The following TBC1D4 variants were observed in gnomAD, a reference collection of about 807,000 sequenced individuals.
TBC1D4 encodes TBC1 domain family member 4, also known as TBC (Tre-2, BUB2, CDC16) domain-containing protein.
In TBC1D4, 121 loss-of-function variants were observed where a neutral mutation model predicts 142.5. The ratio of observed to expected loss-of-function variants is 0.85; its 90% confidence interval spans 0.73 to 0.99. The LOEUF (loss-of-function observed/expected upper bound fraction) is 0.99, where lower values mean the gene tolerates loss of function less well. TBC1D4 is among the 50% of genes least tolerant of loss of function. TBC1D4 has a pLI of 0.00. For missense variants in TBC1D4, 1,475 were observed against 1,606.6 expected (o/e 0.92, Z 1.40); for synonymous variants, 630 against 628.2 (o/e 1.00, Z -0.04).
rs777743495 is a variant in TBC1D4 at position 75,324,242 on chromosome 13, T to C, written c.2193A>G (p.Glu731=). The C allele has an allele frequency of 8.7e-6, 14 of 1,613,702 alleles. No individual in the cohort carries two copies. In the Admixed American group the frequency reaches 2.0e-4, roughly 23 times the overall value. Residue 731 remains glutamate (E), a synonymous_variant, in exon 11 of 21, where the codon GAA becomes GAG. Transcript: ENST00000377636. ...SGRLSPQYEN[E]IRQDTASESS... The stretch of plus-strand genomic sequence containing the variant: ...ACAGAGGACACTGATCTCACCTGAT[T>C]TCATTTTCATACTGTGGGGACAGTC...
intron 1 of TBC1D4, among the ~76,000 whole-genome samples, chr13:75,372,925 A>G (rs1210394149): frequency 6.6e-6 from 1 of 152,244 alleles, no homozygotes; most frequent in Admixed American, 6.5e-5. Context: ...TAAACATAAT[A>G]GGAAACATAC....
chr13:75,362,257 C>A lies in TBC1D4; in HGVS notation c.849G>T (p.Gly283=). Residue 283 remains glycine, a synonymous_variant, in exon 2 of 21, where the codon GGG becomes GGT. Coordinates refer to ENST00000377636, the MANE Select transcript of TBC1D4 (RefSeq NM_014832.5). The surrounding 1 kb of genome is among the most constrained non-coding windows in gnomAD (Gnocchi z 4.2). ...AGCTGGTCAGGGCAGGCTGGCTGGCCCCGGCAGGTAAGCCAAGGTGGGTGT... is the reference window on the plus strand; with the variant it reads ...AGCTGGTCAGGGCAGGCTGGCTGGCACCGGCAGGTAAGCCAAGGTGGGTGT... ...GTDTHLGLPA[G]ASQPALTSSR... 6.2e-7 allele frequency: 1 copy of A among 1,613,864 alleles called. No homozygotes were observed. Among genetic ancestry groups the A allele is most frequent in the Non-Finnish European group, 8.5e-7 (1 of 1,179,970 alleles).
At chr13:75,476,254 C>A (rs1460987317) in intron 1 of TBC1D4, among the ~76,000 whole-genome samples, 1 of 152,016 alleles carries the variant, frequency 6.6e-6, no homozygotes, top group Non-Finnish European at 1.5e-5. Context: ...AAAAAATAAA[C>A]AACAACAACA....
At chr13:75,354,931 G>A (rs1881919841) in intron 4 of TBC1D4, among the ~76,000 whole-genome samples, 1 of 152,164 alleles carries the variant, frequency 6.6e-6, no homozygotes, top group Admixed American at 6.5e-5. Flanking sequence ...ATATCAACAT[G>A]TGGATATTGC....
At chr13:75,391,085 A>G (rs1884462758) in intron 1 of TBC1D4, among the ~76,000 whole-genome samples, 1 of 142,330 alleles carries the variant, frequency 7.0e-6, no homozygotes, top group African/African-American at 2.7e-5. Context: ...AACAACTTGT[A>G]TATCAGATGT....
At chr13:75,380,211 C>T (rs1031078210) in intron 1 of TBC1D4, among the ~76,000 whole-genome samples, 1 of 151,446 alleles carries the variant, frequency 6.6e-6, no homozygotes, top group South Asian at 2.1e-4. Flanking sequence ...GGCAGACATG[C>T]CTGTAATCCC....
At chr13:75,365,654 A>G (rs774906256) in intron 1 of TBC1D4, among the ~76,000 whole-genome samples, 1 of 152,198 alleles carries the variant, frequency 6.6e-6, no homozygotes, top group Non-Finnish European at 1.5e-5. Flanking sequence ...ACATTTACAA[A>G]TATTGTTGAA....
chr13:75,328,299 C>T (rs1031776261), intron 8 of TBC1D4, among the ~76,000 whole-genome samples: 11 of 152,170 alleles, frequency 7.2e-5, no homozygotes, highest in African/African-American at 2.2e-4. Flanking sequence ...TAAAATTTAT[C>T]GGTTTTGCAT....
chr13:75,287,133 G>A, intron 20 of TBC1D4, 108 bp from the exon 21 acceptor site: 1 of 935,906 alleles, frequency 1.1e-6, no homozygotes, highest in Non-Finnish European at 1.7e-6. Flanking sequence ...AATATTATGT[G>A]AAGCAAATAC....
intron 1 of TBC1D4, among the ~76,000 whole-genome samples, chr13:75,420,643 T>A (rs1886124808): frequency 6.6e-6 from 1 of 152,228 alleles, no homozygotes; most frequent in Admixed American, 6.5e-5. Flanking sequence ...TAAAGCTTTC[T>A]GGAACATAAT....
At position 75,299,256 on chromosome 13, in the gene TBC1D4, T is replaced by C. The variant is rs540393056; in HGVS notation, c.3156+74A>G. 1,504 of 1,606,720 alleles carry C rather than the reference T, an allele frequency of 9.4e-4. 24 individuals are homozygous for C. The South Asian group carries it at 0.016, about 17-fold the overall frequency. On this transcript the variant is annotated intron_variant, in intron 17 of 20. Coordinates refer to ENST00000377636, the MANE Select transcript of TBC1D4 (RefSeq NM_014832.5). ...GCTCTACATTTCTTTAAATCTGAAC[T>C]GTAATAATTGAGAAGAGGGCCAGGA...
At chr13:75,364,986 T>G (rs574676202) in intron 1 of TBC1D4, among the ~76,000 whole-genome samples, 1 of 152,320 alleles carries the variant, frequency 6.6e-6, no homozygotes, top group East Asian at 1.9e-4. Context: ...CAACCTTAAT[T>G]GTGTCAAGTC....
chr13:75,445,930 G>A (rs1191414168), intron 1 of TBC1D4, among the ~76,000 whole-genome samples: 2 of 152,132 alleles, frequency 1.3e-5, no homozygotes, highest in Non-Finnish European at 2.9e-5. Context: ...AGAGCAGCTG[G>A]TTTTATTTGA....
In TBC1D4 at chr13:75,363,619, C is replaced by CTCATGTCTTACATATATGA. The variant is rs1566428928; in HGVS notation, c.499-1013_499-1012insTCATATATGTAAGACATGA. ...CCAAGGTACTTCTTACATATATTGA[C>CTCATGTCTTACATATATGA]TGATGTCTCATGTCTGCCTGAAGTG... On this transcript the variant is annotated intron_variant, in intron 1 of 20. Transcript: ENST00000377636. Among the ~76,000 whole-genome samples, 890 of 152,338 alleles carry CTCATGTCTTACATATATGA rather than the reference C, an allele frequency of 5.8e-3. 11 individuals are homozygous for CTCATGTCTTACATATATGA. The highest frequency in any genetic ancestry group is 0.019 in the African/African-American group (810 of 41,590).
intron 1 of TBC1D4, among the ~76,000 whole-genome samples, chr13:75,441,258 A>G (rs1375138667): frequency 1.3e-5 from 2 of 152,160 alleles, no homozygotes; most frequent in Non-Finnish European, 2.9e-5. Flanking sequence ...TCTGTCTCAA[A>G]AAACAAGGAG....
At chr13:75,304,297 A>G (rs912394666) in intron 15 of TBC1D4, among the ~76,000 whole-genome samples, 1 of 152,236 alleles carries the variant, frequency 6.6e-6, no homozygotes, top group East Asian at 1.9e-4. Flanking sequence ...CATTCCAGTC[A>G]AACAAACATT....
chr13:75,337,546 G>A (rs1229801377), intron 7 of TBC1D4, among the ~76,000 whole-genome samples: 1 of 152,102 alleles, frequency 6.6e-6, no homozygotes, highest in Non-Finnish European at 1.5e-5. Flanking sequence ...AACCAAACTG[G>A]GTGAGAATCT....
At chr13:75,409,938 T>A (rs972189880) in intron 1 of TBC1D4, among the ~76,000 whole-genome samples, 1 of 152,232 alleles carries the variant, frequency 6.6e-6, no homozygotes, top group African/African-American at 2.4e-5. Context: ...TCAAATATTC[T>A]GACCCACTTG....
intron 3 of TBC1D4, among the ~76,000 whole-genome samples, chr13:75,356,573 G>A (rs8002279): frequency 0.096 from 14,676 of 152,150 alleles, 2,288 homozygotes; most frequent in African/African-American, 0.33. Context: ...GGAGTTTTCA[G>A]TTTACTGTCT....
Sources: allele counts gnomAD v4.1 joint callset (sites outside exome capture counted in the v4.1 genomes callset), GRCh38; gene constraint gnomAD v4.1.1; non-coding constraint Gnocchi (gnomAD v3.1); transcripts MANE v1.5; gene names NCBI Gene and HGNC (gene_info 2026-07-23, HGNC 2026-07-21).